FBXO41: variants seen among roughly 807,000 people sequenced by gnomAD.
FBXO41 encodes the protein F-box only protein 41.
Under a neutral mutation model 81.6 loss-of-function variants are expected in FBXO41, and 33 were observed. The ratio of observed to expected loss-of-function variants is 0.40; its 90% CI spans 0.31 to 0.54. FBXO41 has a LOEUF of 0.54. Among genes scored for constraint, FBXO41 ranks in the 20% least tolerant of loss-of-function variants. The probability of loss-of-function intolerance (pLI) is 0.39; values close to 1 mark genes in which losing one functional copy is unlikely to be tolerated. For missense variants in FBXO41, 1,107 were observed against 1,236.0 expected (o/e 0.90, Z 1.56); for synonymous variants, 576 against 552.7 (o/e 1.04, Z -0.59).
chr2:73,269,706 C>T lies in FBXO41; in HGVS notation c.-76G>A, dbSNP rs1173266844. The stretch of plus-strand genomic sequence containing the variant: ...TCAGCCGGGCGCGCTCATGGGGGAC[C>T]GCGGGCGAGGCCCCCTGCGGGGTCA... On this transcript the variant is annotated 5_prime_UTR_variant, in exon 2 of 13. Coordinates refer to ENST00000520530, the MANE Select transcript of FBXO41 (RefSeq NM_001371389.2). This position sits in a 1 kb window ranked among gnomAD's most constrained non-coding sequence, Gnocchi z 7.0. 3 of 1,049,574 alleles carry T rather than the reference C, an allele frequency of 2.9e-6. No individual in the cohort carries two copies. The African/African-American group carries it at 5.1e-5, about 18-fold the overall frequency. The allele number at this position is 1,049,574 out of a possible 1,614,324, so 65.0% of individuals were successfully genotyped here. A position where few individuals can be genotyped will look rare whatever the true frequency, so the allele number is the denominator to read the frequency against.
At chr2:73,281,493 A>G (rs1024319478) in intron 1 of FBXO41, among the ~76,000 whole-genome samples, 1 of 152,158 alleles carries the variant, frequency 6.6e-6, no homozygotes, top group African/African-American at 2.4e-5. Context: ...GCTTTGGCCA[A>G]CTGGACATTT....
intron 1 of FBXO41, among the ~76,000 whole-genome samples, chr2:73,275,653 G>T (rs1688661776): frequency 6.6e-6 from 1 of 152,058 alleles, no homozygotes; most frequent in African/African-American, 2.4e-5. Context: ...TCAACTCATG[G>T]CCAATTATTT....
chr2:73,264,263 G>C lies in FBXO41; in HGVS notation c.1806+15C>G. Reference sequence around the variant, plus strand: ...GGTTCACAGCAGGGCACAGAAGGCAGGCAGGGGCAGGTACCTTGGAGCAGA... The same window carrying C: ...GGTTCACAGCAGGGCACAGAAGGCACGCAGGGGCAGGTACCTTGGAGCAGA... On this transcript the variant is annotated intron_variant, in intron 6 of 12. Transcript: ENST00000520530. The C allele has an allele frequency of 6.2e-7, 1 of 1,613,130 alleles. No homozygotes were observed. Among genetic ancestry groups the C allele is most frequent in the Non-Finnish European group, 8.5e-7 (1 of 1,179,708 alleles).
chr2:73,265,389 A>T lies in FBXO41; in HGVS notation c.1457T>A (p.Val486Asp), dbSNP rs745683309. 6.2e-7 allele frequency: 1 copy of T among 1,611,426 alleles called. No individual in the cohort carries two copies. The highest frequency in any genetic ancestry group is 1.7e-5 in the Admixed American group (1 of 60,014). ...RHSTEGEEGD[V>D]SDVGSRTTES... ...AGTGGTTCGGGAGCCAACGTCGGAG[A>T]CATCACCCTCTTCCCCCTCAGTGCT... Residue 486 changes from valine (V) to aspartate (D), a missense_variant, in exon 5 of 13, where the codon GTC becomes GAC. Val to Asp is a radical substitution (Grantham distance 152). This residue lies in a region of FBXO41 where 771 missense variants were observed against 789.2 expected (regional missense o/e 0.98). Transcript: ENST00000520530.
At chr2:73,263,101 T>A in intron 9 of FBXO41, 112 bp downstream of exon 9, 1 of 811,106 alleles carries the variant, frequency 1.2e-6, no homozygotes, top group East Asian at 2.9e-5. Flanking sequence ...GATTAATGTG[T>A]GTGGATCTGT....
intron 8 of FBXO41, 83 bp from the exon 9 acceptor site, chr2:73,263,391 T>G: frequency 9.0e-7 from 1 of 1,109,558 alleles, no homozygotes; most frequent in Non-Finnish European, 1.2e-6. Flanking sequence ...AAGGCCGAGG[T>G]TGGGGATCGC....
chr2:73,268,916 C>A lies in FBXO41; in HGVS notation c.715G>T (p.Ala239Ser). 1 of 1,543,412 alleles carries A rather than the reference C, an allele frequency of 6.5e-7. No homozygotes were observed. The highest frequency in any genetic ancestry group is 8.7e-7 in the Non-Finnish European group (1 of 1,147,358). ...TCGGCCGCCTTGCGCTCCAGCTCGG[C>A]CTGCAGCCGGCCCACCTGGCCCGCG... ...KIAGQVGRLQAELERKAAELE... is the reference protein window; with the variant it reads ...KIAGQVGRLQSELERKAAELE... Residue 239 changes from alanine to serine, a missense_variant, in exon 2 of 13, where the codon GCC (alanine) becomes TCC (serine). Physicochemically the swap from Ala to Ser is moderately conservative, Grantham distance 99. Coordinates refer to ENST00000520530, the MANE Select transcript of FBXO41 (RefSeq NM_001371389.2).
rs11548978 is a variant in FBXO41 at position 73,255,389 on chromosome 2, T to C, written c.*3593A>G. On this transcript the variant is annotated 3_prime_UTR_variant, in exon 13 of 13. Transcript: ENST00000520530. ...ACACACTTGTCCAGGAATACATACA[T>C]ACACACAATACACAGCAATATATAC... 0.017 allele frequency: 2,606 copies of C among 152,658 alleles called. 35 individuals carry two copies. The highest frequency in any genetic ancestry group is 0.025 in the Non-Finnish European group (1,720 of 68,092). The allele number at this position is 152,658 out of a possible 1,614,324, so 9.5% of individuals were successfully genotyped here.
rs1036134617 is a variant in FBXO41 at position 73,260,020 on chromosome 2, C to G, written c.2449+369G>C. Reference sequence around the variant, plus strand: ...GGGTGGTTTGAGAAAGGTGTGGAAGCCAAGGAGGTATGATCTGGAGTCCAG... The same window carrying G: ...GGGTGGTTTGAGAAAGGTGTGGAAGGCAAGGAGGTATGATCTGGAGTCCAG... On this transcript the variant is annotated intron_variant, in intron 11 of 12. Coordinates refer to ENST00000520530, the MANE Select transcript of FBXO41 (RefSeq NM_001371389.2). This position sits in a 1 kb window ranked among gnomAD's most constrained non-coding sequence, Gnocchi z 5.0. 3.3e-5 allele frequency among the ~76,000 whole-genome samples: 5 copies of G among 151,938 alleles called. No individual in the cohort carries two copies. The highest frequency in any genetic ancestry group is 1.2e-4 in the African/African-American group (5 of 41,362).
Position 73,260,936 on chromosome 2 carries a change from C to G in FBXO41, c.2172-78G>C. 2 of 1,227,374 alleles carry G rather than the reference C, an allele frequency of 1.6e-6. No homozygotes were observed. The highest frequency in any genetic ancestry group is 2.3e-6 in the Non-Finnish European group (2 of 880,646). 76.0% of individuals were successfully genotyped at this position (1,227,374 alleles called of 1,614,324 possible). On this transcript the variant is annotated intron_variant, in intron 9 of 12. Coordinates refer to ENST00000520530, the MANE Select transcript of FBXO41 (RefSeq NM_001371389.2). This position sits in a 1 kb window ranked among gnomAD's most constrained non-coding sequence, Gnocchi z 5.0. ...CCAGCATGCTCCTCCTGTGGGACCC[C>G]TCCCTGACTCAGGCAAGCATTCCTC...
rs1020725499 is a variant in FBXO41 at position 73,265,133 on chromosome 2, C to T, written c.1564+149G>A. 10 of 743,682 alleles carry T rather than the reference C, an allele frequency of 1.3e-5. No individual in the cohort carries two copies. In the African/African-American group the frequency reaches 1.6e-4, roughly 12 times the overall value. The allele number at this position is 743,682 out of a possible 1,614,324, so 46.1% of individuals were successfully genotyped here. On this transcript the variant is annotated intron_variant, in intron 5 of 12. Coordinates refer to ENST00000520530, the MANE Select transcript of FBXO41 (RefSeq NM_001371389.2). ...TGAGCATACTTGTGCCACTGCAGCC[C>T]TGCCCTGTCACAAGAGTTCCTGCCC...
At chr2:73,278,315 A>G (rs541230393) in intron 1 of FBXO41, among the ~76,000 whole-genome samples, 31 of 152,188 alleles carry the variant, frequency 2.0e-4, no homozygotes, top group Non-Finnish European at 3.8e-4. Context: ...TTCCAGTTAT[A>G]TGAATTGGTA....
In FBXO41 at chr2:73,269,758, G is replaced by A. The variant is rs1367750377; in HGVS notation, c.-128C>T. The A allele has an allele frequency of 4.9e-5, 23 of 471,554 alleles. No individual in the cohort carries two copies. The Admixed American group carries it at 1.2e-3, about 24-fold the overall frequency. 29.2% of individuals were successfully genotyped at this position (471,554 alleles called of 1,614,324 possible). On this transcript the variant is annotated 5_prime_UTR_variant, in exon 2 of 13. Coordinates refer to ENST00000520530, the MANE Select transcript of FBXO41 (RefSeq NM_001371389.2). The surrounding 1 kb of genome is among the most constrained non-coding windows in gnomAD (Gnocchi z 7.0). The stretch of plus-strand genomic sequence containing the variant: ...GAAGGCTCAGGGCGCCCGCGGCCTG[G>A]GGCGAGGAGGCTGGAAGAGACGCGA...
chr2:73,260,983 C>T lies in FBXO41; in HGVS notation c.2172-125G>A, dbSNP rs757870389. 28 of 722,682 alleles carry T rather than the reference C, an allele frequency of 3.9e-5. No individual in the cohort carries two copies. The highest frequency in any genetic ancestry group is 6.1e-5 in the Non-Finnish European group (27 of 439,710). The allele number at this position is 722,682 out of a possible 1,614,324, so 44.8% of individuals were successfully genotyped here. Reference sequence around the variant, plus strand: ...CCTCCAACAACCCAGCAGGTCAAGTCAGAGAACCAGGATCATCCCTGACTC... The same window carrying T: ...CCTCCAACAACCCAGCAGGTCAAGTTAGAGAACCAGGATCATCCCTGACTC... On this transcript the variant is annotated intron_variant, in intron 9 of 12. Coordinates refer to ENST00000520530, the MANE Select transcript of FBXO41 (RefSeq NM_001371389.2). The surrounding 1 kb of genome is among the most constrained non-coding windows in gnomAD (Gnocchi z 5.0).
At chr2:73,277,410 G>A (rs139599367) in intron 1 of FBXO41, among the ~76,000 whole-genome samples, 55 of 152,316 alleles carry the variant, frequency 3.6e-4, no homozygotes, top group African/African-American at 1.3e-3. Flanking sequence ...TTTCATCACA[G>A]GTCTGTACTA....
rs917347286 is a variant in FBXO41, at chr2:73,254,788, AGGGCATCTTAC to A, written c.*4183_*4193del. ...ACATACACTCAGGTACATTCAGCAA[AGGGCATCTTAC>A]GGGTGACATGGAGCAAAGTGCTGGG... On this transcript the variant is annotated 3_prime_UTR_variant, in exon 13 of 13. Coordinates refer to ENST00000520530, the MANE Select transcript of FBXO41 (RefSeq NM_001371389.2). The A allele has an allele frequency of 6.5e-6, 1 of 152,672 alleles. No homozygotes were observed. The highest frequency in any genetic ancestry group is 2.4e-5 in the African/African-American group (1 of 41,462). 9.5% of individuals were successfully genotyped at this position (152,672 alleles called of 1,614,324 possible). A position where few individuals can be genotyped will look rare whatever the true frequency, so the allele number is the denominator to read the frequency against.
intron 5 of FBXO41, among the ~76,000 whole-genome samples, 175 bp from the exon 6 acceptor site, chr2:73,264,694 T>A (rs1279873834): frequency 1.3e-5 from 2 of 152,112 alleles, no homozygotes; most frequent in Non-Finnish European, 2.9e-5. Context: ...GTACCCCATC[T>A]CCAGTTTTAC....
chr2:73,276,234 A>AC (rs1198064937), intron 1 of FBXO41, among the ~76,000 whole-genome samples: 5 of 145,100 alleles, frequency 3.4e-5, no homozygotes, highest in Middle Eastern at 3.4e-3. Context: ...ACAGGGTGAA[A>AC]CCCCCTCTCT....
intron 1 of FBXO41, among the ~76,000 whole-genome samples, chr2:73,276,601 A>AGG (rs1336279768): frequency 4.7e-5 from 4 of 84,506 alleles, no homozygotes; most frequent in African/African-American, 2.5e-4. Flanking sequence ...AGAGAGAGAG[A>AGG]GAGGGAGAGA....
Sources: allele counts gnomAD v4.1 joint callset (sites outside exome capture counted in the v4.1 genomes callset), GRCh38; gene constraint gnomAD v4.1.1; regional missense constraint gnomAD v4.1.1; non-coding constraint Gnocchi (gnomAD v3.1); transcripts MANE v1.5; gene names NCBI Gene and HGNC (gene_info 2026-07-23, HGNC 2026-07-21).